The following PAK1 variants were observed in gnomAD, a reference collection of about 807,000 sequenced individuals.
The protein encoded by PAK1 is serine/threonine-protein kinase PAK 1.
In PAK1, 29 loss-of-function variants were observed where a neutral mutation model predicts 67.4. The ratio of observed to expected loss-of-function variants is 0.43; its 90% CI spans 0.32 to 0.59. The LOEUF is 0.59. Ranked by LOEUF, PAK1 falls within the 20% of genes least tolerant of loss-of-function variation. PAK1 has a pLI of 0.07. For missense variants in PAK1, 337 were observed against 670.7 expected (o/e 0.50, Z 5.50); for synonymous variants, 223 against 237.4 (o/e 0.94, Z 0.56).
intron 1 of PAK1, among the ~76,000 whole-genome samples, chr11:77,444,009 A>C (rs1956479140): frequency 6.6e-6 from 1 of 152,224 alleles, no homozygotes; most frequent in Admixed American, 6.5e-5. Flanking sequence ...AGTTTCAATT[A>C]TCTCTCTTCT....
Position 77,355,704 on chromosome 11 carries a change from G to C in PAK1, c.736C>G (p.Pro246Ala). Residue 246 changes from proline to alanine, a missense_variant, in exon 7 of 15, where the codon CCT becomes GCT. Transcript: ENST00000356341. ...TRNTEKQKKK[P>A]KMSDEEILEK... ...AAGATCTCCTCATCAGACATTTTAG[G>C]CTTCTTCTTCTGCTTCTCAGTATTC... The C allele has an allele frequency of 6.2e-7, 1 of 1,612,056 alleles. No homozygotes were observed. Among genetic ancestry groups the C allele is most frequent in the South Asian group, 1.1e-5 (1 of 91,030 alleles).
the PAK1 span, among the ~76,000 whole-genome samples, chr11:77,496,266 C>T: frequency 0.02 from 2,976 of 152,162 alleles, 127 homozygotes; most frequent in East Asian, 0.15. Flanking sequence ...ATCCACCCGC[C>T]TCAGCCTCCC....
intron 14 of PAK1, among the ~76,000 whole-genome samples, chr11:77,324,776 C>CAGAG (rs749691736): frequency 4.7e-5 from 6 of 126,820 alleles, no homozygotes; most frequent in African/African-American, 2.0e-4. Flanking sequence ...CACACACACA[C>CAGAG]AGAGAGAGAG....
At chr11:77,379,434 G>A (rs1214009602) in intron 3 of PAK1, 46 bp from the exon 4 acceptor site, 1 of 1,574,646 alleles carries the variant, frequency 6.4e-7, no homozygotes, top group South Asian at 1.2e-5. Flanking sequence ...CAGTCACAGG[G>A]GAGCCTGAAA....
chr11:77,420,173 T>C (rs1955184065), intron 1 of PAK1, among the ~76,000 whole-genome samples: 1 of 152,124 alleles, frequency 6.6e-6, no homozygotes, highest in African/African-American at 2.4e-5. Flanking sequence ...AGTAAATTTT[T>C]CATAGAGCTA....
intron 6 of PAK1, 106 bp downstream of exon 6, chr11:77,358,791 TA>T: frequency 9.0e-7 from 1 of 1,113,476 alleles, no homozygotes. Context: ...CTCCAAAATC[TA>T]AGGACGCCTA....
At chr11:77,464,948 A>G (rs1957523806) in intron 1 of PAK1, among the ~76,000 whole-genome samples, 1 of 151,938 alleles carries the variant, frequency 6.6e-6, no homozygotes, top group Non-Finnish European at 1.5e-5. Flanking sequence ...AACCCCTGTA[A>G]GTCAGGGACC....
At chr11:77,385,541 A>G (rs1437291186) in intron 2 of PAK1, among the ~76,000 whole-genome samples, 1 of 152,216 alleles carries the variant, frequency 6.6e-6, no homozygotes, top group Non-Finnish European at 1.5e-5. Context: ...TTATATCTAA[A>G]TAAGGATTCC....
chr11:77,409,111 AT>A (rs35041035), intron 1 of PAK1, among the ~76,000 whole-genome samples: 36,532 of 150,350 alleles, frequency 0.24, 5,451 homozygotes, highest in South Asian at 0.45. Flanking sequence ...AAAAAAAAAA[AT>A]TTTTTTTTTA....
chr11:77,404,848 A>G (rs778658868), intron 1 of PAK1, among the ~76,000 whole-genome samples: 2 of 152,238 alleles, frequency 1.3e-5, no homozygotes, highest in Non-Finnish European at 2.9e-5. Context: ...GAGCATCTAC[A>G]AAGTACCAAT....
At chr11:77,521,848 T>A in the PAK1 span, among the ~76,000 whole-genome samples, 1 of 152,194 alleles carries the variant, frequency 6.6e-6, no homozygotes, top group Non-Finnish European at 1.5e-5. Flanking sequence ...ACATTACCCA[T>A]CCCTTTTGTT....
chr11:77,332,537 C>G (rs915977815), intron 14 of PAK1, among the ~76,000 whole-genome samples, 193 bp downstream of exon 14: 4 of 151,198 alleles, frequency 2.6e-5, no homozygotes, highest in African/African-American at 9.7e-5. Context: ...AGAGTTTTAA[C>G]AGGCTGAGAA....
At chr11:77,467,448 A>T (rs1957650914) in intron 1 of PAK1, among the ~76,000 whole-genome samples, 1 of 152,270 alleles carries the variant, frequency 6.6e-6, no homozygotes, top group South Asian at 2.1e-4. Context: ...CCTGATGCAT[A>T]ATATGTATTT....
the PAK1 span, among the ~76,000 whole-genome samples, chr11:77,514,665 G>A: frequency 6.6e-6 from 1 of 152,166 alleles, no homozygotes; most frequent in Non-Finnish European, 1.5e-5. Context: ...AGGGACAAGT[G>A]GAGCCAAAAG....
the PAK1 span, among the ~76,000 whole-genome samples, chr11:77,526,632 T>C: frequency 6.6e-6 from 1 of 152,208 alleles, no homozygotes. Context: ...AGAAAAAGGC[T>C]GGAGGCCAGG....
At chr11:77,458,251 T>C (rs1324683321) in intron 1 of PAK1, among the ~76,000 whole-genome samples, 1 of 152,240 alleles carries the variant, frequency 6.6e-6, no homozygotes, top group Admixed American at 6.5e-5. Context: ...ACTTGTTATA[T>C]TGCCCACAAA....
At chr11:77,468,055 G>C (rs1957679405) in intron 1 of PAK1, among the ~76,000 whole-genome samples, 1 of 152,176 alleles carries the variant, frequency 6.6e-6, no homozygotes, top group Non-Finnish European at 1.5e-5. Context: ...CATCCCAAAA[G>C]ATTCAAAAGG....
chr11:77,450,325 C>T (rs1040467149), intron 1 of PAK1, among the ~76,000 whole-genome samples: 1 of 152,090 alleles, frequency 6.6e-6, no homozygotes, highest in Non-Finnish European at 1.5e-5. Context: ...AACTCTTGTG[C>T]ATTAAAGCCA....
At chr11:77,360,613 T>C (rs915426281) in intron 5 of PAK1, among the ~76,000 whole-genome samples, 2 of 152,166 alleles carry the variant, frequency 1.3e-5, no homozygotes, top group African/African-American at 4.8e-5. Flanking sequence ...GTTTGTTTGC[T>C]TTATAAAACT....
Sources: allele counts gnomAD v4.1 joint callset (sites outside exome capture counted in the v4.1 genomes callset), GRCh38; gene constraint gnomAD v4.1.1; transcripts MANE v1.5; gene names NCBI Gene and HGNC (gene_info 2026-07-23, HGNC 2026-07-21).